Variants in MRTFB observed in about 807,000 individuals in gnomAD.
MRTFB encodes the protein myocardin-related transcription factor B.
A neutral mutation model predicts 104.2 loss-of-function variants in MRTFB; 29 were observed. That is an observed-to-expected ratio of 0.28 (90% CI 0.21 to 0.38). The LOEUF is 0.38. Among genes scored for constraint, MRTFB ranks in the 10% least tolerant of loss-of-function variants. MRTFB has a pLI of 1.00. For missense variants in MRTFB, 1,270 were observed against 1,341.6 expected (o/e 0.95, Z 0.83); for synonymous variants, 535 against 519.5 (o/e 1.03, Z -0.41).
Position 14,265,665 on chromosome 16 carries a change from A to G in MRTFB, c.*4221A>G, listed in dbSNP as rs543794426. ...TTTCTTGCAGTATCCAGGGAAACACATCATTACAAAGGGTTTCTACCTGAA... is the reference window on the plus strand; with the variant it reads ...TTTCTTGCAGTATCCAGGGAAACACGTCATTACAAAGGGTTTCTACCTGAA... On this transcript the variant is annotated 3_prime_UTR_variant, in exon 17 of 17. Transcript: ENST00000571589. 5 of 152,154 alleles carry G rather than the reference A, an allele frequency of 3.3e-5. No homozygotes were observed. In the South Asian group the frequency reaches 1.0e-3, roughly 31 times the overall value. The allele number at this position is 152,154 out of a possible 1,614,324, so 9.4% of individuals were successfully genotyped here.
At chr16:14,075,735 A>C (rs189618607) in intron 1 of MRTFB, among the ~76,000 whole-genome samples, 5 of 152,188 alleles carry the variant, frequency 3.3e-5, no homozygotes, top group African/African-American at 7.2e-5. Flanking sequence ...TATTATAATC[A>C]TATACTTTGG....
At chr16:14,244,729 A>G (rs1207846000) in intron 10 of MRTFB, among the ~76,000 whole-genome samples, 1 of 151,604 alleles carries the variant, frequency 6.6e-6, no homozygotes, top group Admixed American at 6.6e-5. Context: ...TTTTCCCCCC[A>G]CTTTTCCACT....
chr16:14,234,336 T>G (rs1160731241), intron 9 of MRTFB, 53 bp downstream of exon 9: 1 of 1,561,620 alleles, frequency 6.4e-7, no homozygotes, highest in Non-Finnish European at 8.7e-7. Flanking sequence ...TGACTCTGTC[T>G]ATAACCCTGT....
At chr16:14,008,825 T>C in the MRTFB span, among the ~76,000 whole-genome samples, 1 of 151,666 alleles carries the variant, frequency 6.6e-6, no homozygotes, top group Non-Finnish European at 1.5e-5. Flanking sequence ...TGTCTTTCCA[T>C]TTATTTAGGT....
rs188101170 is a variant in MRTFB, at chr16:14,222,821, G to A, written c.693+3823G>A. Among the ~76,000 whole-genome samples, 521 of 152,050 alleles carry A rather than the reference G, an allele frequency of 3.4e-3. 1 individual carries two copies. Among genetic ancestry groups the A allele is most frequent in the Non-Finnish European group, 6.2e-3 (423 of 68,010 alleles). On this transcript the variant is annotated intron_variant, in intron 8 of 16. Transcript: ENST00000571589. ...AAACAACAGATGCTGGTGAGGCTGC[G>A]GAGAAATAAGAACACTAGAAATAGG...
chr16:14,195,181 ACAT>A (rs967255524), intron 3 of MRTFB, among the ~76,000 whole-genome samples: 12 of 152,240 alleles, frequency 7.9e-5, no homozygotes, highest in Non-Finnish European at 1.3e-4. Flanking sequence ...AAACATCCAA[ACAT>A]CAGAACTTTT....
intron 2 of MRTFB, among the ~76,000 whole-genome samples, chr16:14,095,320 T>C (rs964479123): frequency 1.3e-5 from 2 of 152,188 alleles, no homozygotes; most frequent in Admixed American, 6.5e-5. Flanking sequence ...CTTGGGAGAC[T>C]CCCTTGTAGA....
the MRTFB span, among the ~76,000 whole-genome samples, chr16:14,056,308 C>A: frequency 6.6e-6 from 1 of 151,536 alleles, no homozygotes; most frequent in Non-Finnish European, 1.5e-5. Context: ...TAAGAAAATA[C>A]TTCCCTCCTT....
chr16:14,233,632 A>T (rs2042362016), intron 8 of MRTFB, among the ~76,000 whole-genome samples: 1 of 151,998 alleles, frequency 6.6e-6, no homozygotes, highest in South Asian at 2.1e-4. Flanking sequence ...TCTACTTAAA[A>T]TACAAAAACT....
chr16:14,032,556 A>G, the MRTFB span, among the ~76,000 whole-genome samples: 1 of 151,752 alleles, frequency 6.6e-6, no homozygotes, highest in Non-Finnish European at 1.5e-5. Flanking sequence ...TATTTCTTTG[A>G]GTTTTGAGAG....
intron 3 of MRTFB, among the ~76,000 whole-genome samples, chr16:14,204,808 A>G (rs889633762): frequency 6.6e-6 from 1 of 152,218 alleles, no homozygotes; most frequent in Non-Finnish European, 1.5e-5. Flanking sequence ...ACGTGAGGAA[A>G]TTAGTCTCAT....
chr16:14,200,831 TG>T (rs984946607), intron 3 of MRTFB: 37 of 1,468,560 alleles, frequency 2.5e-5, no homozygotes, highest in African/African-American at 5.6e-5. Context: ...GTGGTTATCG[TG>T]GGTGTGGTGC....
the MRTFB span, chr16:14,013,315 G>A: frequency 1.3e-5 from 2 of 152,200 alleles, no homozygotes; most frequent in East Asian, 3.8e-4. Flanking sequence ...ATCAAAAGCA[G>A]TGGCACCAAT....
chr16:14,005,984 G>A, the MRTFB span, among the ~76,000 whole-genome samples: 2 of 151,912 alleles, frequency 1.3e-5, no homozygotes, highest in African/African-American at 2.4e-5. Context: ...GAGGCGGGTG[G>A]GTCACTTGAG....
chr16:14,210,875 T>C (rs2041162934), intron 4 of MRTFB, among the ~76,000 whole-genome samples: 1 of 152,214 alleles, frequency 6.6e-6, no homozygotes, highest in Non-Finnish European at 1.5e-5. Flanking sequence ...AGTTGATTAA[T>C]TTTAGAATGT....
upstream of MRTFB, among the ~76,000 whole-genome samples, chr16:14,068,076 C>G (rs529369773): frequency 6.6e-6 from 1 of 152,272 alleles, no homozygotes; most frequent in African/African-American, 2.4e-5. Context: ...AGGTGATCCT[C>G]TCACCTCGGC....
At chr16:14,128,086 G>T (rs1434416035) in intron 2 of MRTFB, among the ~76,000 whole-genome samples, 1 of 151,812 alleles carries the variant, frequency 6.6e-6, no homozygotes, top group Non-Finnish European at 1.5e-5. Flanking sequence ...TGCCGAGCAA[G>T]GAGACAGAAG....
chr16:14,152,370 C>G (rs2038658318), intron 3 of MRTFB: 1 of 151,332 alleles, frequency 6.6e-6, no homozygotes, highest in Non-Finnish European at 1.5e-5. Context: ...TTTACAATGA[C>G]CTTTAGAATA....
chr16:14,190,252 C>G (rs574459421), intron 3 of MRTFB, among the ~76,000 whole-genome samples: 2 of 152,294 alleles, frequency 1.3e-5, no homozygotes, highest in East Asian at 1.9e-4. Flanking sequence ...AGACTAGTTT[C>G]TTTTGTCAAA....
Sources: allele counts gnomAD v4.1 joint callset (sites outside exome capture counted in the v4.1 genomes callset), GRCh38; gene constraint gnomAD v4.1.1; transcripts MANE v1.5; gene names NCBI Gene and HGNC (gene_info 2026-07-23, HGNC 2026-07-21).